Variants in ARHGAP22 observed in about 807,000 individuals in gnomAD.
ARHGAP22 encodes Rho GTPase activating protein 22, also known as rho GTPase-activating protein 22.
A neutral mutation model predicts 59.1 loss-of-function variants in ARHGAP22; 48 were observed. That is an observed-to-expected ratio of 0.81 (90% confidence interval 0.64 to 1.03). The LOEUF (loss-of-function observed/expected upper bound fraction) is 1.03. ARHGAP22 is among the 50% of genes least tolerant of loss of function. The pLI is 0.00. For synonymous variants in ARHGAP22, 445 were observed against 416.4 expected, an observed-to-expected ratio of 1.07 and a Z score of -0.84; for missense variants, 1,015 against 958.7, an observed-to-expected ratio of 1.06 and a Z score of -0.78.
chr10:48,560,483 C>G (rs1347100314), intron 2 of ARHGAP22, among the ~76,000 whole-genome samples: 1 of 152,136 alleles, frequency 6.6e-6, no homozygotes, highest in Non-Finnish European at 1.5e-5. Flanking sequence ...CCAATGTGAA[C>G]AACTTTCATT....
chr10:48,450,902 G>A lies in ARHGAP22; in HGVS notation c.1227C>T (p.Pro409=), dbSNP rs532080976. 2.5e-6 allele frequency: 4 copies of A among 1,592,958 alleles called. No homozygotes were observed. In the African/African-American group the frequency reaches 4.0e-5, roughly 16 times the overall value. Residue 409 remains proline (P), a synonymous_variant, in exon 9 of 10, where the codon CCC becomes CCT. Coordinates refer to ENST00000249601, the MANE Select transcript of ARHGAP22 (RefSeq NM_021226.4). ...AAVAVLSRTA[P]TGPGSRCSPG... ...GGCTGCACCGGCTCCCCGGCCCCGT[G>A]GGGGCTGTTCTGGAGAGCACCGCCA...
At chr10:48,471,388 G>T (rs1381262335) in intron 4 of ARHGAP22, among the ~76,000 whole-genome samples, 2 of 152,248 alleles carry the variant, frequency 1.3e-5, no homozygotes, top group Non-Finnish European at 2.9e-5. Context: ...AACAGCTTCA[G>T]GGCTTTGCTT....
intron 3 of ARHGAP22, among the ~76,000 whole-genome samples, chr10:48,531,779 G>A (rs774359716): frequency 2.6e-5 from 4 of 152,216 alleles, no homozygotes; most frequent in Non-Finnish European, 5.9e-5. Flanking sequence ...TTTCTAGCCT[G>A]TGATCTTAAC....
At chr10:48,630,953 C>T (rs1000936080) in intron 1 of ARHGAP22, among the ~76,000 whole-genome samples, 4 of 152,188 alleles carry the variant, frequency 2.6e-5, no homozygotes, top group Non-Finnish European at 4.4e-5. Flanking sequence ...GAAGTTACCT[C>T]TAATTCTAGT....
intron 1 of ARHGAP22, among the ~76,000 whole-genome samples, chr10:48,615,977 A>G (rs1222892857): frequency 6.6e-6 from 1 of 151,834 alleles, no homozygotes; most frequent in Non-Finnish European, 1.5e-5. Context: ...AAGAATGAAG[A>G]AGATGAGCAA....
chr10:48,527,815 G>A (rs769166246), intron 3 of ARHGAP22, among the ~76,000 whole-genome samples: 12 of 152,202 alleles, frequency 7.9e-5, no homozygotes, highest in East Asian at 3.8e-4. Flanking sequence ...TGCTCAAGCC[G>A]CCTTGCTCCA....
chr10:48,604,913 G>C lies in ARHGAP22; in HGVS notation c.-117C>G. On this transcript the variant is annotated 5_prime_UTR_variant, in exon 1 of 10. Transcript: ENST00000249601. ...CCTGCTCGTTCGGGGCCCCGTGGCC[G>C]CTGGCGTCACCCGTCAGGCTCCCTC... is the stretch of plus-strand genomic sequence containing the variant. 6.3e-7 allele frequency: 1 copy of C among 1,576,130 alleles called. No individual in the cohort carries two copies. The highest frequency in any genetic ancestry group is 1.1e-5 in the South Asian group (1 of 88,132).
rs553024713 is a variant in ARHGAP22 at position 48,571,509 on chromosome 10, G to T, written c.234+11444C>A. Among the ~76,000 whole-genome samples the T allele has an allele frequency of 2.6e-5, 4 of 152,234 alleles. No individual in the cohort carries two copies. In the South Asian group the frequency reaches 8.3e-4, roughly 32 times the overall value. On this transcript the variant is annotated intron_variant, in intron 2 of 9. Coordinates refer to ENST00000249601, the MANE Select transcript of ARHGAP22 (RefSeq NM_021226.4). ...GTCTGACCATGGAAAAGCTTGGTGG[G>T]GCTTCCCCTCCCTTGTTCTAATTTC... is the stretch of plus-strand genomic sequence containing the variant.
chr10:48,464,260 C>G (rs1382198965), intron 4 of ARHGAP22, among the ~76,000 whole-genome samples: 1 of 152,218 alleles, frequency 6.6e-6, no homozygotes, highest in Non-Finnish European at 1.5e-5. Flanking sequence ...CTCCCTCCAC[C>G]AGACCCTAGG....
At chr10:48,610,794 C>T in intron 1 of ARHGAP22, among the ~76,000 whole-genome samples, 1 of 152,114 alleles carries the variant, frequency 6.6e-6, no homozygotes, top group East Asian at 1.9e-4. Flanking sequence ...GTGGCCAGGA[C>T]TTGTGCAGTC....
intron 1 of ARHGAP22, among the ~76,000 whole-genome samples, chr10:48,594,805 G>A (rs1209783650): frequency 6.6e-6 from 1 of 152,040 alleles, no homozygotes; most frequent in Non-Finnish European, 1.5e-5. Context: ...TCAGTTGGGG[G>A]CTCAGGCTGA....
chr10:48,482,986 T>A (rs983017007), intron 3 of ARHGAP22, among the ~76,000 whole-genome samples: 1 of 152,042 alleles, frequency 6.6e-6, no homozygotes, highest in African/African-American at 2.4e-5. Flanking sequence ...TCTACCTCCA[T>A]GAGACAAACT....
At chr10:48,434,873 T>A in the ARHGAP22 span, 1 of 1,600,820 alleles carries the variant, frequency 6.2e-7, no homozygotes, top group Non-Finnish European at 8.5e-7. Flanking sequence ...GTTTTGTTTC[T>A]CATAGCACAG....
At chr10:48,498,674 C>T (rs2051196445) in intron 3 of ARHGAP22, among the ~76,000 whole-genome samples, 1 of 152,190 alleles carries the variant, frequency 6.6e-6, no homozygotes, top group Non-Finnish European at 1.5e-5. Flanking sequence ...GCAGCAGCCA[C>T]AGAGTCCATA....
chr10:48,564,368 C>T (rs892279426), intron 2 of ARHGAP22, among the ~76,000 whole-genome samples: 2 of 152,220 alleles, frequency 1.3e-5, no homozygotes, highest in South Asian at 4.1e-4. Context: ...AATAAGAACA[C>T]CAGAAAAATA....
intron 3 of ARHGAP22, among the ~76,000 whole-genome samples, chr10:48,543,067 G>C (rs1365499543): frequency 6.6e-6 from 1 of 152,138 alleles, no homozygotes; most frequent in Non-Finnish European, 1.5e-5. Context: ...GGGGGCCCCT[G>C]GGTGTCTGTG....
chr10:48,509,304 A>G (rs1013084306), intron 3 of ARHGAP22, among the ~76,000 whole-genome samples: 1 of 152,112 alleles, frequency 6.6e-6, no homozygotes, highest in Non-Finnish European at 1.5e-5. Context: ...GCTCAGGAGC[A>G]CCCAGGACAG....
chr10:48,655,035 T>TTTCTTTCTTTCA (rs2062736807), upstream of ARHGAP22, among the ~76,000 whole-genome samples: 1 of 61,384 alleles, frequency 1.6e-5, no homozygotes, highest in African/African-American at 6.8e-5. Context: ...TCTTTCATTC[T>TTTCTTTCTTTCA]TTCTTTCTTT....
the ARHGAP22 span, among the ~76,000 whole-genome samples, chr10:48,434,545 A>G: frequency 6.6e-6 from 1 of 152,202 alleles, no homozygotes; most frequent in Admixed American, 6.5e-5. Flanking sequence ...TGCATGTATT[A>G]TCAGCAGTAT....
Sources: allele counts gnomAD v4.1 joint callset (sites outside exome capture counted in the v4.1 genomes callset), GRCh38; gene constraint gnomAD v4.1.1; transcripts MANE v1.5; gene names NCBI Gene and HGNC (gene_info 2026-07-23, HGNC 2026-07-21).